The following CHL1 variants were observed in gnomAD, a reference collection of about 807,000 sequenced individuals.
CHL1 encodes cell adhesion molecule L1 like.
Under a neutral mutation model 141.9 loss-of-function variants are expected in CHL1, and 96 were observed. The observed-to-expected ratio is 0.68, with a 90% confidence interval of 0.57 to 0.80. CHL1 has a LOEUF of 0.80. CHL1 is among the 30% of genes least tolerant of loss of function. The pLI, the probability that CHL1 is intolerant of heterozygous loss-of-function variation, is 0.00. For synonymous variants in CHL1, 613 were observed against 502.2 expected (o/e 1.22, Z -2.95); for missense variants, 1,820 against 1,457.2 (o/e 1.25, Z -4.05).
chr3:237,661 C>A (rs1311861637), intron 1 of CHL1, among the ~76,000 whole-genome samples: 1 of 152,098 alleles, frequency 6.6e-6, no homozygotes, highest in Non-Finnish European at 1.5e-5. Flanking sequence ...GTAAATCATA[C>A]CTAACTTAAT....
chr3:205,011 A>G (rs115748158), intron 1 of CHL1, among the ~76,000 whole-genome samples: 4,724 of 152,212 alleles, frequency 0.031, 226 homozygotes, highest in African/African-American at 0.11. Context: ...TGAAAATTAG[A>G]ATTAAATCAT....
intron 11 of CHL1, among the ~76,000 whole-genome samples, chr3:358,983 A>G: frequency 6.8e-6 from 1 of 147,566 alleles, no homozygotes; most frequent in Non-Finnish European, 1.5e-5. Context: ...TTATATATAT[A>G]TATATTATAT....
At chr3:342,687 A>AT (rs1047353148) in intron 7 of CHL1, among the ~76,000 whole-genome samples, 7 of 152,204 alleles carry the variant, frequency 4.6e-5, no homozygotes, top group Non-Finnish European at 7.4e-5. Context: ...TTGGTCCATG[A>AT]TTTTTTCATT....
intron 1 of CHL1, among the ~76,000 whole-genome samples, chr3:225,278 A>G (rs946215752): frequency 6.6e-6 from 1 of 152,242 alleles, no homozygotes; most frequent in African/African-American, 2.4e-5. Context: ...TGAGCAACTC[A>G]GAATGATCTC....
intron 1 of CHL1, among the ~76,000 whole-genome samples, chr3:239,957 A>G (rs570459942): frequency 3.3e-5 from 5 of 152,262 alleles, no homozygotes; most frequent in Non-Finnish European, 7.4e-5. Flanking sequence ...GTATTCCATC[A>G]TATATATTTA....
intron 2 of CHL1, among the ~76,000 whole-genome samples, chr3:251,781 C>T (rs572733548): frequency 6.6e-6 from 1 of 152,218 alleles, no homozygotes; most frequent in South Asian, 2.1e-4. Context: ...CTTTAATCCA[C>T]ACTTAGAAGT....
intron 2 of CHL1, among the ~76,000 whole-genome samples, chr3:276,491 T>G (rs1696110583): frequency 6.6e-6 from 1 of 152,130 alleles, no homozygotes; most frequent in Non-Finnish European, 1.5e-5. Flanking sequence ...GAGGTTTCAA[T>G]AAGAGGCAAG....
chr3:214,956 G>GCACACACACACA (rs5845952), intron 1 of CHL1, among the ~76,000 whole-genome samples: 5 of 150,380 alleles, frequency 3.3e-5, no homozygotes, highest in Admixed American at 2.7e-4. Context: ...ATGTGCACGT[G>GCACACACACACA]CACACACACA....
intron 1 of CHL1, among the ~76,000 whole-genome samples, chr3:226,264 C>T (rs4685475): frequency 0.048 from 7,183 of 149,550 alleles, 180 homozygotes; most frequent in Non-Finnish European, 0.064. Flanking sequence ...TCATGTGATC[C>T]GCCTGCTTCG....
chr3:368,347 G>C (rs751535386), intron 15 of CHL1, among the ~76,000 whole-genome samples: 27 of 152,104 alleles, frequency 1.8e-4, no homozygotes, highest in Middle Eastern at 3.4e-3. Flanking sequence ...TCTGATGATC[G>C]GTCATGTTGA....
At chr3:328,529 C>T in intron 5 of CHL1, 175 bp downstream of exon 5, 1 of 470,236 alleles carries the variant, frequency 2.1e-6, no homozygotes, top group South Asian at 4.6e-5. Flanking sequence ...AATCGGATGA[C>T]CTTAGAAAAC....
intron 2 of CHL1, among the ~76,000 whole-genome samples, chr3:279,267 C>A (rs62227203): frequency 6.6e-6 from 1 of 152,178 alleles, no homozygotes; most frequent in African/African-American, 2.4e-5. Flanking sequence ...CGGTTTCTTG[C>A]ATCATTTTTC....
intron 2 of CHL1, among the ~76,000 whole-genome samples, chr3:297,815 G>C (rs1363480839): frequency 6.6e-6 from 1 of 152,074 alleles, no homozygotes; most frequent in African/African-American, 2.4e-5. Context: ...ACAGACCCTT[G>C]GTTAACAACA....
At chr3:363,186 T>C in intron 13 of CHL1, 31 bp from the exon 14 acceptor site, 2 of 1,590,600 alleles carry the variant, frequency 1.3e-6, no homozygotes, top group Non-Finnish European at 1.7e-6. Context: ...TTGCCCTACC[T>C]CAGATGGATG....
intron 5 of CHL1, among the ~76,000 whole-genome samples, chr3:335,700 T>C (rs1441840395): frequency 6.6e-6 from 1 of 152,242 alleles, no homozygotes; most frequent in African/African-American, 2.4e-5. Context: ...AATAAACACA[T>C]CATATGTTCT....
chr3:223,061 A>G (rs1158530130), intron 1 of CHL1, among the ~76,000 whole-genome samples: 1 of 152,132 alleles, frequency 6.6e-6, no homozygotes, highest in Non-Finnish European at 1.5e-5. Flanking sequence ...CCCTCTCAAA[A>G]TCCTGAATCA....
chr3:263,545 A>G (rs1342802138), intron 2 of CHL1, among the ~76,000 whole-genome samples: 1 of 152,236 alleles, frequency 6.6e-6, no homozygotes, highest in Non-Finnish European at 1.5e-5. Flanking sequence ...TGCATAAGAC[A>G]TCATAAAATA....
chr3:364,357 C>A (rs1310050748), intron 14 of CHL1, among the ~76,000 whole-genome samples: 2 of 152,138 alleles, frequency 1.3e-5, no homozygotes, highest in East Asian at 3.8e-4. Flanking sequence ...TTTCAAGATG[C>A]CCTCATGAAG....
At chr3:342,439 G>A (rs2057580739) in intron 7 of CHL1, among the ~76,000 whole-genome samples, 1 of 152,140 alleles carries the variant, frequency 6.6e-6, no homozygotes, top group Admixed American at 6.6e-5. Flanking sequence ...GAAAATGGGG[G>A]AGAAAACAAC....
Sources: gnomAD v4.1 joint callset for allele counts (sites outside exome capture counted in the v4.1 genomes callset) on GRCh38, gnomAD v4.1.1 for gene constraint, MANE v1.5 for transcripts, NCBI Gene and HGNC (gene_info 2026-07-23, HGNC 2026-07-21) for gene names.